Variants in STXBP5L observed in about 807,000 individuals in gnomAD.
The protein encoded by STXBP5L is syntaxin binding protein 5L.
In STXBP5L, 65 loss-of-function variants were observed where a neutral mutation model predicts 144.5. That is an observed-to-expected ratio of 0.45 (90% confidence interval 0.37 to 0.55). The LOEUF is 0.55. Ranked by LOEUF, STXBP5L falls within the 20% of genes least tolerant of loss-of-function variation. The probability of loss-of-function intolerance (pLI) is 0.00; values close to 1 mark genes in which losing one functional copy is unlikely to be tolerated. For missense variants in STXBP5L, 1,298 were observed against 1,405.5 expected (o/e 0.92, Z 1.22); for synonymous variants, 505 against 469.6 (o/e 1.08, Z -0.97).
At chr3:121,215,392 G>A (rs187617338) in intron 10 of STXBP5L, among the ~76,000 whole-genome samples, 1 of 152,288 alleles carries the variant, frequency 6.6e-6, no homozygotes, top group East Asian at 1.9e-4. Context: ...TTGTAAGGCA[G>A]GCCTTGTGGT....
intron 5 of STXBP5L, among the ~76,000 whole-genome samples, chr3:121,066,524 T>C (rs1488660911): frequency 1.3e-5 from 2 of 152,070 alleles, no homozygotes; most frequent in African/African-American, 4.8e-5. Context: ...AGTTGATCTT[T>C]AAATGTTAGA....
At chr3:121,112,404 A>C (rs1245613376) in intron 5 of STXBP5L, among the ~76,000 whole-genome samples, 1 of 151,866 alleles carries the variant, frequency 6.6e-6, no homozygotes, top group Non-Finnish European at 1.5e-5. Flanking sequence ...TCCCCTTGTT[A>C]CTTGCAGCTC....
intron 5 of STXBP5L, among the ~76,000 whole-genome samples, chr3:121,080,437 T>C (rs573067859): frequency 6.6e-6 from 1 of 152,332 alleles, no homozygotes; most frequent in Admixed American, 6.5e-5. Flanking sequence ...ATTTATGCTT[T>C]AAGGGGTTTC....
chr3:121,310,341 T>C (rs1365485989), intron 19 of STXBP5L, among the ~76,000 whole-genome samples: 4 of 152,246 alleles, frequency 2.6e-5, no homozygotes, highest in African/African-American at 7.2e-5. Context: ...CTGGGCACAG[T>C]GGCTCACGCC....
chr3:121,402,170 A>T (rs962440173), intron 22 of STXBP5L, among the ~76,000 whole-genome samples: 1 of 152,222 alleles, frequency 6.6e-6, no homozygotes, highest in Non-Finnish European at 1.5e-5. Context: ...GTAGTCAGGA[A>T]GTTAATAAAT....
chr3:121,380,805 G>C (rs1226907454), intron 21 of STXBP5L, among the ~76,000 whole-genome samples: 1 of 152,074 alleles, frequency 6.6e-6, no homozygotes, highest in Non-Finnish European at 1.5e-5. Flanking sequence ...CCCAGATATA[G>C]AATATGTTTG....
At chr3:121,327,208 G>C (rs1478101561) in intron 20 of STXBP5L, among the ~76,000 whole-genome samples, 1 of 152,112 alleles carries the variant, frequency 6.6e-6, no homozygotes, top group Non-Finnish European at 1.5e-5. Context: ...AGATGATACA[G>C]TCAAAACACA....
At chr3:121,110,222 G>C (rs1389764131) in intron 5 of STXBP5L, among the ~76,000 whole-genome samples, 2 of 152,114 alleles carry the variant, frequency 1.3e-5, no homozygotes, top group Non-Finnish European at 2.9e-5. Flanking sequence ...GGTTAATATT[G>C]TTATGTGTGA....
chr3:121,273,730 T>G, intron 18 of STXBP5L, among the ~76,000 whole-genome samples: 1 of 152,082 alleles, frequency 6.6e-6, no homozygotes, highest in East Asian at 1.9e-4. Flanking sequence ...TTTTCTATTC[T>G]TATCTATTTT....
chr3:121,147,139 A>G (rs1472968374), intron 7 of STXBP5L, among the ~76,000 whole-genome samples: 1 of 152,122 alleles, frequency 6.6e-6, no homozygotes, highest in Non-Finnish European at 1.5e-5. Context: ...CATTATGTAT[A>G]TAGTACTAGC....
intron 5 of STXBP5L, among the ~76,000 whole-genome samples, chr3:121,065,730 A>T (rs1042779229): frequency 1.3e-5 from 2 of 152,176 alleles, no homozygotes; most frequent in South Asian, 4.1e-4. Flanking sequence ...TTGAGAATTA[A>T]AAAATATATA....
At chr3:120,990,476 C>G (rs1212760863) in intron 3 of STXBP5L, among the ~76,000 whole-genome samples, 3 of 152,008 alleles carry the variant, frequency 2.0e-5, no homozygotes, top group Non-Finnish European at 4.4e-5. Context: ...TCATATGGAA[C>G]CAAAAAAGAG....
intron 3 of STXBP5L, among the ~76,000 whole-genome samples, chr3:120,974,167 A>C (rs933811817): frequency 1.7e-4 from 26 of 152,064 alleles, no homozygotes; most frequent in Admixed American, 9.2e-4. Flanking sequence ...AACAGTGTAA[A>C]AGTGTTCCTA....
At chr3:121,183,672 G>A (rs984014103) in intron 9 of STXBP5L, among the ~76,000 whole-genome samples, 1 of 151,652 alleles carries the variant, frequency 6.6e-6, no homozygotes, top group African/African-American at 2.4e-5. Context: ...AAGGAAGGGA[G>A]GGAGGGAGGA....
chr3:121,008,065 C>T (rs878858250), intron 3 of STXBP5L, among the ~76,000 whole-genome samples: 1 of 151,946 alleles, frequency 6.6e-6, no homozygotes, highest in Non-Finnish European at 1.5e-5. Context: ...TCATCCAGCA[C>T]TTCTGCTATT....
At chr3:120,986,019 T>G (rs1942255323) in intron 3 of STXBP5L, among the ~76,000 whole-genome samples, 1 of 151,940 alleles carries the variant, frequency 6.6e-6, no homozygotes. Context: ...TGTTTGAGAC[T>G]TTTTTAAAAA....
intron 3 of STXBP5L, among the ~76,000 whole-genome samples, chr3:120,982,384 G>C (rs1450198897): frequency 6.6e-6 from 1 of 152,194 alleles, no homozygotes; most frequent in African/African-American, 2.4e-5. Context: ...ACTGACATGA[G>C]TGGCAGGGAG....
intron 20 of STXBP5L, among the ~76,000 whole-genome samples, chr3:121,363,466 T>G (rs1024361921): frequency 2.6e-5 from 4 of 152,202 alleles, no homozygotes; most frequent in Admixed American, 2.6e-4. Flanking sequence ...CTAGGGATGG[T>G]TGAAATTCTC....
At chr3:120,941,387 C>A (rs1710559011) in intron 2 of STXBP5L, among the ~76,000 whole-genome samples, 1 of 151,574 alleles carries the variant, frequency 6.6e-6, no homozygotes, top group South Asian at 2.1e-4. Context: ...AATGTAGGTG[C>A]TCATTCTGTT....
Sources: gnomAD v4.1 joint callset for allele counts (sites outside exome capture counted in the v4.1 genomes callset) on GRCh38, gnomAD v4.1.1 for gene constraint, MANE v1.5 for transcripts, NCBI Gene and HGNC (gene_info 2026-07-23, HGNC 2026-07-21) for gene names.